ABCC4: variants seen among roughly 807,000 people sequenced by gnomAD.
ABCC4 encodes ATP binding cassette subfamily C member 4 (PEL blood group), also known as ATP-binding cassette sub-family C member 4.
ABCC4 carries 102 observed loss-of-function variants against 168.5 expected under a neutral mutation model. That is an observed-to-expected ratio of 0.61 (90% CI 0.52 to 0.71). The LOEUF is 0.71. ABCC4 is among the 30% of genes least tolerant of loss of function. ABCC4 has a pLI of 0.00. For synonymous variants in ABCC4, 617 were observed against 590.7 expected (o/e 1.04, Z -0.65); for missense variants, 1,402 against 1,605.8 (o/e 0.87, Z 2.17).
At chr13:95,260,653 T>C (rs1339215653) in intron 1 of ABCC4, among the ~76,000 whole-genome samples, 1 of 152,116 alleles carries the variant, frequency 6.6e-6, no homozygotes, top group Non-Finnish European at 1.5e-5. Flanking sequence ...CCAAGACTTA[T>C]TGCTTGGAGA....
intron 8 of ABCC4, among the ~76,000 whole-genome samples, 188 bp downstream of exon 8, chr13:95,206,344 A>G (rs898284392): frequency 1.5e-4 from 23 of 152,186 alleles, no homozygotes; most frequent in African/African-American, 5.1e-4. Context: ...ATGAATCACA[A>G]TGCTTGCATT....
At chr13:95,268,565 T>C (rs1335092725) in intron 1 of ABCC4, among the ~76,000 whole-genome samples, 5 of 152,182 alleles carry the variant, frequency 3.3e-5, no homozygotes, top group Non-Finnish European at 5.9e-5. Context: ...TAAAACCCAA[T>C]TGTATATTCC....
chr13:95,231,661 T>C (rs1490424058), intron 4 of ABCC4, among the ~76,000 whole-genome samples: 1 of 152,234 alleles, frequency 6.6e-6, no homozygotes, highest in Admixed American at 6.5e-5. Flanking sequence ...GATATTCGTC[T>C]TTCCCACGTT....
chr13:95,238,799 G>T (rs1349899559), intron 3 of ABCC4, among the ~76,000 whole-genome samples: 1 of 152,144 alleles, frequency 6.6e-6, no homozygotes, highest in Non-Finnish European at 1.5e-5. Context: ...CTCGTGATCT[G>T]CCTGCCTTGG....
intron 19 of ABCC4, among the ~76,000 whole-genome samples, chr13:95,148,122 G>A (rs150976661): frequency 0.017 from 2,605 of 152,078 alleles, 27 homozygotes; most frequent in Non-Finnish European, 0.026. Flanking sequence ...CATTTTTTAA[G>A]ACTACTAAAA....
At chr13:95,152,690 T>C (rs2036729161) in intron 19 of ABCC4, among the ~76,000 whole-genome samples, 1 of 152,312 alleles carries the variant, frequency 6.6e-6, no homozygotes, top group East Asian at 1.9e-4. Context: ...TGATTTTTTT[T>C]CCACTGTCTT....
chr13:95,149,136 C>T (rs933019690), intron 19 of ABCC4, among the ~76,000 whole-genome samples: 45 of 152,274 alleles, frequency 3.0e-4, no homozygotes, highest in African/African-American at 1.0e-3. Flanking sequence ...ACAGGTGTTC[C>T]CTTTTATTAC....
At chr13:95,070,924 C>T (rs2033702231) in intron 25 of ABCC4, among the ~76,000 whole-genome samples, 1 of 152,150 alleles carries the variant, frequency 6.6e-6, no homozygotes, top group Non-Finnish European at 1.5e-5. Context: ...GGCTGTGTCC[C>T]CACCCAAATC....
chr13:95,262,537 T>C (rs769846144), intron 1 of ABCC4, among the ~76,000 whole-genome samples: 6 of 152,230 alleles, frequency 3.9e-5, no homozygotes, highest in East Asian at 1.9e-4. Flanking sequence ...TCCAGGTGTC[T>C]TGCAGTCCTT....
rs987486218 is a variant in ABCC4 at position 95,021,292 on chromosome 13, G to T, written c.*283C>A. ...TCCTACTCCTTTAAAAATGAGCTTT[G>T]ACTCTGTAGTCTCTTAAGGCACAAA... is the stretch of plus-strand genomic sequence containing the variant. On this transcript the variant is annotated 3_prime_UTR_variant, in exon 31 of 31. Transcript: ENST00000645237. The T allele has an allele frequency of 7.0e-6, 2 of 287,142 alleles. No homozygotes were observed. The highest frequency in any genetic ancestry group is 5.0e-5 in the Admixed American group (1 of 20,034). The allele number at this position is 287,142 out of a possible 1,614,324, so 17.8% of individuals were successfully genotyped here. A position where few individuals can be genotyped will look rare whatever the true frequency, so the allele number is the denominator to read the frequency against.
At chr13:95,115,269 G>A (rs2139410338) in intron 20 of ABCC4, among the ~76,000 whole-genome samples, 1 of 58,302 alleles carries the variant, frequency 1.7e-5, no homozygotes, top group South Asian at 9.7e-4. Context: ...CTGTAGGATT[G>A]TTGGTTTTTT....
chr13:95,132,236 G>A (rs1387253900), intron 19 of ABCC4, among the ~76,000 whole-genome samples: 1 of 152,078 alleles, frequency 6.6e-6, no homozygotes, highest in Non-Finnish European at 1.5e-5. Flanking sequence ...TACTTTTTGA[G>A]ACAGAGTCTC....
At chr13:95,104,408 C>T (rs2034924824) in intron 20 of ABCC4, among the ~76,000 whole-genome samples, 1 of 152,168 alleles carries the variant, frequency 6.6e-6, no homozygotes, top group Non-Finnish European at 1.5e-5. Flanking sequence ...AAAAACATGT[C>T]CGGGTCTGAT....
rs999603497 is a variant in ABCC4 at position 95,290,498 on chromosome 13, C to T, written c.74+10743G>A. On this transcript the variant is annotated intron_variant, in intron 1 of 30. Coordinates refer to ENST00000645237, the MANE Select transcript of ABCC4 (RefSeq NM_005845.5). The stretch of plus-strand genomic sequence containing the variant: ...GGTAGGTGGATCACCTGAGGTCAGG[C>T]GTTCGAGACTAGCATGGCCAACATG... Among the ~76,000 whole-genome samples, 7 of 151,544 alleles carry T rather than the reference C, an allele frequency of 4.6e-5. 1 individual carries two copies. The highest frequency in any genetic ancestry group is 3.9e-4 in the Admixed American group (6 of 15,194).
At chr13:95,149,288 T>C (rs2036598161) in intron 19 of ABCC4, among the ~76,000 whole-genome samples, 1 of 152,202 alleles carries the variant, frequency 6.6e-6, no homozygotes, top group Admixed American at 6.5e-5. Flanking sequence ...GACTAACTTT[T>C]CCAACTTGGC....
chr13:95,200,334 T>C lies in ABCC4; in HGVS notation c.1162-5397A>G, dbSNP rs141312206. Among the ~76,000 whole-genome samples the C allele has an allele frequency of 2.3e-3, 345 of 152,348 alleles. 1 individual carries two copies. Among genetic ancestry groups the C allele is most frequent in the African/African-American group, 7.9e-3 (327 of 41,580 alleles). ...TTATCCTGACGTCGTTTCTATTTGC[T>C]ACACATATTTTGACCTCATGCGTTT... On this transcript the variant is annotated intron_variant, in intron 8 of 30. Transcript: ENST00000645237.
Position 95,021,628 on chromosome 13 carries a change from T to C in ABCC4, c.3925A>G (p.Asn1309Asp), listed in dbSNP as rs1260538247. Residue 1309 changes from asparagine to aspartate, a missense_variant, in exon 31 of 31, where the codon AAC becomes GAC. This residue lies in a region of ABCC4 where 1,007 missense variants were observed against 1,127.3 expected (regional missense o/e 0.89). Transcript: ENST00000645237. ...GTCGAGGGCTGTCCATTGGAAGTGTTTGTAACCATGTGGTCAGTGTGACCA... is the reference window on the plus strand; with the variant it reads ...GTCGAGGGCTGTCCATTGGAAGTGTCTGTAACCATGTGGTCAGTGTGACCA... ...HIGHTDHMVT[N>D]TSNGQPSTLT... 6.2e-7 allele frequency: 1 copy of C among 1,613,428 alleles called. No homozygotes were observed. The highest frequency in any genetic ancestry group is 1.3e-5 in the African/African-American group (1 of 74,906).
chr13:95,099,284 G>A (rs1196607075), intron 20 of ABCC4, among the ~76,000 whole-genome samples: 1 of 152,192 alleles, frequency 6.6e-6, no homozygotes, highest in Non-Finnish European at 1.5e-5. Context: ...TTTATACGTA[G>A]TTCAAGAACA....
At position 95,118,565 on chromosome 13, in the gene ABCC4, G is replaced by A. The variant is rs147127964; in HGVS notation, c.2456-2564C>T. Among the ~76,000 whole-genome samples the A allele has an allele frequency of 1.4e-3, 219 of 152,258 alleles. 1 individual carries two copies. Among genetic ancestry groups the A allele is most frequent in the Non-Finnish European group, 2.1e-3 (142 of 68,026 alleles). On this transcript the variant is annotated intron_variant, in intron 19 of 30. Coordinates refer to ENST00000645237, the MANE Select transcript of ABCC4 (RefSeq NM_005845.5). ...GGCCAGAATATTTTCATCTGGCTTC[G>A]CAGTAAACTGTCATAATCAGAGCTG...
Sources: allele counts gnomAD v4.1 joint callset (sites outside exome capture counted in the v4.1 genomes callset), GRCh38; gene constraint gnomAD v4.1.1; regional missense constraint gnomAD v4.1.1; transcripts MANE v1.5; gene names NCBI Gene and HGNC (gene_info 2026-07-23, HGNC 2026-07-21).